JAM3: variants seen among roughly 807,000 people sequenced by gnomAD.
The protein encoded by JAM3 is junctional adhesion molecule 3.
Under a neutral mutation model 39.4 loss-of-function variants are expected in JAM3, and 31 were observed. The observed-to-expected ratio is 0.79, with a 90% confidence interval of 0.59 to 1.06. JAM3 has a LOEUF of 1.06. Among genes scored for constraint, JAM3 ranks in the 50% least tolerant of loss-of-function variants. The pLI is 0.00. For missense variants in JAM3, 455 were observed against 391.4 expected, an observed-to-expected ratio of 1.16 and a Z score of -1.37; for synonymous variants, 182 against 148.7, an observed-to-expected ratio of 1.22 and a Z score of -1.63.
intron 1 of JAM3, among the ~76,000 whole-genome samples, chr11:134,075,246 C>T (rs1359032349): frequency 6.6e-6 from 1 of 152,128 alleles, no homozygotes; most frequent in East Asian, 1.9e-4. Flanking sequence ...CACTTACTCT[C>T]TCTGGGCTGA....
chr11:134,069,219 G>A, intron 1 of JAM3, 60 bp downstream of exon 1: 3 of 1,576,948 alleles, frequency 1.9e-6, no homozygotes, highest in Non-Finnish European at 2.6e-6. Flanking sequence ...GAAGCAGAGC[G>A]GGCCGAAGCT....
intron 1 of JAM3, among the ~76,000 whole-genome samples, chr11:134,137,710 G>A (rs11223711): frequency 0.078 from 8,884 of 113,880 alleles, 2 homozygotes; most frequent in African/African-American, 0.15. Flanking sequence ...TTTATGGCCA[G>A]TAGTCCCTTA....
At chr11:134,072,726 AT>A (rs1941502190) in intron 1 of JAM3, among the ~76,000 whole-genome samples, 1 of 152,248 alleles carries the variant, frequency 6.6e-6, no homozygotes, top group Non-Finnish European at 1.5e-5. Context: ...CTTGGCCAAC[AT>A]GATGAAGCCC....
chr11:134,099,388 T>G (rs1020532625), intron 1 of JAM3, among the ~76,000 whole-genome samples: 1 of 152,134 alleles, frequency 6.6e-6, no homozygotes, highest in African/African-American at 2.4e-5. Context: ...CATTTTCTTT[T>G]TCTCTCCTAC....
At chr11:134,083,646 T>A (rs1941702050) in intron 1 of JAM3, among the ~76,000 whole-genome samples, 1 of 152,116 alleles carries the variant, frequency 6.6e-6, no homozygotes, top group Non-Finnish European at 1.5e-5. Flanking sequence ...GTGAACAGCA[T>A]CTTTTAGCTC....
Position 134,149,349 on chromosome 11 carries a change from C to A in JAM3, c.*168C>A. ...CTACTCTTCTTACTCTAACAAGCCACATGAATAGAAGAATTTTCCTCAAGA... is the reference window on the plus strand; with the variant it reads ...CTACTCTTCTTACTCTAACAAGCCAAATGAATAGAAGAATTTTCCTCAAGA... On this transcript the variant is annotated 3_prime_UTR_variant, in exon 9 of 9. Transcript: ENST00000299106. 1.4e-6 allele frequency: 1 copy of A among 737,424 alleles called. No homozygotes were observed. Among genetic ancestry groups the A allele is most frequent in the Non-Finnish European group, 2.3e-6 (1 of 432,650 alleles). The allele number at this position is 737,424 out of a possible 1,614,324, so 45.7% of individuals were successfully genotyped here.
chr11:134,116,479 CATA>C (rs1281329158), intron 1 of JAM3, among the ~76,000 whole-genome samples: 3 of 152,108 alleles, frequency 2.0e-5, no homozygotes, highest in Non-Finnish European at 4.4e-5. Flanking sequence ...CCAATAGTAT[CATA>C]ATTTTTTTTC....
At chr11:134,133,465 C>A (rs779522692) in intron 1 of JAM3, among the ~76,000 whole-genome samples, 4 of 152,072 alleles carry the variant, frequency 2.6e-5, no homozygotes, top group Non-Finnish European at 4.4e-5. Flanking sequence ...ATAGAAAGTT[C>A]TTTCTATTCC....
chr11:134,139,738 C>G (rs1447552157), intron 1 of JAM3, 113 bp from the exon 2 acceptor site: 1 of 816,352 alleles, frequency 1.2e-6, no homozygotes, highest in African/African-American at 1.7e-5. Context: ...ATTTTTCCAT[C>G]CTCTGTGGTT....
chr11:134,135,616 T>TAACCCCCA lies in JAM3; in HGVS notation c.77-4234_77-4227dup, dbSNP rs1305798130. Among the ~76,000 whole-genome samples the TAACCCCCA allele has an allele frequency of 2.0e-5, 3 of 151,892 alleles. No homozygotes were observed. In the South Asian group the frequency reaches 6.2e-4, roughly 32 times the overall value. ...GCAGTGGCCTGATCTCAGCTCACTGTAACCCCCACCTCCTGGGTTCAAGTG... is the reference window on the plus strand; with the variant it reads ...GCAGTGGCCTGATCTCAGCTCACTGTAACCCCCAAACCCCCACCTCCTGGGTTCAAGTG... On this transcript the variant is annotated intron_variant, in intron 1 of 8. Coordinates refer to ENST00000299106, the MANE Select transcript of JAM3 (RefSeq NM_032801.5).
intron 1 of JAM3, among the ~76,000 whole-genome samples, chr11:134,121,886 G>T (rs1044284683): frequency 6.6e-6 from 1 of 151,980 alleles, no homozygotes; most frequent in Non-Finnish European, 1.5e-5. Context: ...GTGTGTCAAA[G>T]GGAAAAGGTT....
intron 1 of JAM3, among the ~76,000 whole-genome samples, chr11:134,115,667 T>G (rs886599423): frequency 1.3e-5 from 2 of 151,892 alleles, no homozygotes; most frequent in Non-Finnish European, 2.9e-5. Flanking sequence ...TTTTGGAGAA[T>G]GAGGTGGGAA....
In JAM3 at chr11:134,145,930, T is replaced by C. The variant is rs774017835; in HGVS notation, c.613-16T>C. ...CATGATGGGTCCGATTATTTACTTGTCATTCCCTGAAACAGGTGTTCACTG... is the reference window on the plus strand; with the variant it reads ...CATGATGGGTCCGATTATTTACTTGCCATTCCCTGAAACAGGTGTTCACTG... On this transcript the variant is annotated splice_polypyrimidine_tract_variant and intron_variant, in intron 5 of 8. Coordinates refer to ENST00000299106, the MANE Select transcript of JAM3 (RefSeq NM_032801.5). 2.5e-5 allele frequency: 40 copies of C among 1,575,480 alleles called. No individual in the cohort carries two copies. Among genetic ancestry groups the C allele is most frequent in the Non-Finnish European group, 1.7e-6 (2 of 1,144,894 alleles).
Position 134,148,618 on chromosome 11 carries a change from G to T in JAM3, c.784G>T (p.Gly262Cys). The T allele has an allele frequency of 6.2e-7, 1 of 1,614,124 alleles. No individual in the cohort carries two copies. The highest frequency in any genetic ancestry group is 2.2e-5 in the East Asian group (1 of 44,890). Residue 262 changes from glycine to cysteine, a missense_variant, in exon 7 of 9, where the codon GGC (glycine) becomes TGC (cysteine). Transcript: ENST00000299106. ...TGCTGTACTGGCCCTGATCACGTTG[G>T]GCATCTGCTGTGCATACAGACGTGG... ...VLAVLALITL[G>C]ICCAYRRGYF...
At chr11:134,110,054 G>A (rs1942279634) in intron 1 of JAM3, among the ~76,000 whole-genome samples, 1 of 152,116 alleles carries the variant, frequency 6.6e-6, no homozygotes, top group African/African-American at 2.4e-5. Context: ...ATAAATACAA[G>A]ATGCTTAACC....
intron 1 of JAM3, among the ~76,000 whole-genome samples, chr11:134,130,015 CAGTA>C (rs995425150): frequency 4.0e-5 from 6 of 149,820 alleles, no homozygotes; most frequent in Non-Finnish European, 7.4e-5. Flanking sequence ...AAAAAAAAGT[CAGTA>C]AGAGTATTAA....
At chr11:134,137,594 G>C (rs115021165) in intron 1 of JAM3, among the ~76,000 whole-genome samples, 1 of 152,250 alleles carries the variant, frequency 6.6e-6, no homozygotes, top group Non-Finnish European at 1.5e-5. Context: ...GTGGTGCCTC[G>C]TCGAAGTCAT....
At chr11:134,126,886 C>G (rs1233760245) in intron 1 of JAM3, among the ~76,000 whole-genome samples, 6 of 152,332 alleles carry the variant, frequency 3.9e-5, no homozygotes, top group Admixed American at 1.3e-4. Flanking sequence ...ATAATAACTT[C>G]TCCTTCTCTG....
chr11:134,143,519 C>G (rs1943012711), intron 3 of JAM3, among the ~76,000 whole-genome samples: 2 of 152,202 alleles, frequency 1.3e-5, no homozygotes, highest in Admixed American at 1.3e-4. Flanking sequence ...TATGTGTGCA[C>G]CACTGCACCC....
Sources: gnomAD v4.1 joint callset for allele counts (sites outside exome capture counted in the v4.1 genomes callset) on GRCh38, gnomAD v4.1.1 for gene constraint, MANE v1.5 for transcripts, NCBI Gene and HGNC (gene_info 2026-07-23, HGNC 2026-07-21) for gene names.